The following CACNA1B variants were observed in gnomAD, a reference collection of about 807,000 sequenced individuals.
CACNA1B encodes the protein voltage-dependent N-type calcium channel subunit alpha-1B.
CACNA1B carries 70 observed loss-of-function variants against 247.2 expected under a neutral mutation model. The observed-to-expected ratio is 0.28, with a 90% CI of 0.23 to 0.35. The LOEUF is 0.35. Ranked by LOEUF, CACNA1B falls within the 10% of genes least tolerant of loss-of-function variation. The pLI, the probability that CACNA1B is intolerant of heterozygous loss-of-function variation, is 1.00. For synonymous variants in CACNA1B, 1,231 were observed against 1,294.4 expected (o/e 0.95, Z 1.05); for missense variants, 2,367 against 3,197.4 (o/e 0.74, Z 6.26).
chr9:138,041,585 A>T (rs979013169), intron 20 of CACNA1B, among the ~76,000 whole-genome samples: 2 of 151,378 alleles, frequency 1.3e-5, no homozygotes, highest in African/African-American at 4.9e-5. Context: ...CTCAATTGAC[A>T]TTTTTTTCCT....
chr9:138,006,709 CGT>C (rs1413704287), intron 15 of CACNA1B, 56 bp from the exon 16 acceptor site: 28 of 915,696 alleles, frequency 3.1e-5, no homozygotes, highest in East Asian at 9.9e-5. Context: ...GGTGGGGGTG[CGT>C]GTGTGTGGGG....
intron 23 of CACNA1B, 50 bp from the exon 24 acceptor site, chr9:138,049,159 C>T (rs1236668642): frequency 2.4e-6 from 3 of 1,256,576 alleles, no homozygotes; most frequent in South Asian, 1.2e-5. Context: ...CTGGCCTCTG[C>T]CTGTCTTTTC....
chr9:138,071,523 C>T (rs7865606), intron 32 of CACNA1B, among the ~76,000 whole-genome samples: 26,733 of 152,152 alleles, frequency 0.18, 2,836 homozygotes, highest in East Asian at 0.46. Flanking sequence ...CTGCCGTCAC[C>T]GTCTGTCTTC....
chr9:138,084,955 GA>G (rs540352266), intron 36 of CACNA1B, among the ~76,000 whole-genome samples: 5,175 of 87,626 alleles, frequency 0.059, 145 homozygotes, highest in Non-Finnish European at 0.086. Flanking sequence ...CCATCTCAAA[GA>G]AAAAAAAAAA....
chr9:137,891,842 C>A lies in CACNA1B; in HGVS notation c.530+8959C>A. ...AGCCAGACGGACGCTAACGCAGATT[C>A]ATTCCTAGCAGGTCACATGGTAGCA... is the stretch of plus-strand genomic sequence containing the variant. On this transcript the variant is annotated intron_variant, in intron 3 of 46. Coordinates refer to ENST00000371372, the MANE Select transcript of CACNA1B (RefSeq NM_000718.4). The surrounding 1 kb of genome is among the most constrained non-coding windows in gnomAD (Gnocchi z 4.3). 1 of 358,294 alleles carries A rather than the reference C, an allele frequency of 2.8e-6. No homozygotes were observed. Among genetic ancestry groups the A allele is most frequent in the Non-Finnish European group, 5.5e-6 (1 of 180,246 alleles). The allele number at this position is 358,294 out of a possible 1,614,324, so 22.2% of individuals were successfully genotyped here.
rs754374212 is a variant in CACNA1B, at chr9:137,976,006, G to T, written c.1643G>T (p.Cys548Phe). The T allele has an allele frequency of 1.2e-6, 2 of 1,607,628 alleles. No homozygotes were observed. The highest frequency in any genetic ancestry group is 1.7e-6 in the Non-Finnish European group (2 of 1,174,186). Residue 548 changes from cysteine (C) to phenylalanine (F), a missense_variant, in exon 12 of 47, where the codon TGC (cysteine) becomes TTC (phenylalanine). By Grantham distance (205) the Cys-to-Phe change is radical. This residue lies in a region of CACNA1B where 219 missense variants were observed against 297.6 expected (regional missense o/e 0.74). Coordinates refer to ENST00000371372, the MANE Select transcript of CACNA1B (RefSeq NM_000718.4). The stretch of plus-strand genomic sequence containing the variant: ...AGCTACTTCCGGTCCTCCTTCAACT[G>T]CTTCGACTTTGGGGTGAGTGAGAGG... ...PRSYFRSSFN[C>F]FDFGVIVGSV...
chr9:138,123,084 A>G lies in CACNA1B; in HGVS notation c.*1085A>G, dbSNP rs970336234. On this transcript the variant is annotated 3_prime_UTR_variant, in exon 47 of 47. Transcript: ENST00000371372. ...GAGGCATTTTCAGTCTGTTCTGCAT[A>G]TGATTCTCAGGGCACACTCTGTGGT... is the stretch of plus-strand genomic sequence containing the variant. 7 of 152,274 alleles carry G rather than the reference A, an allele frequency of 4.6e-5. No individual in the cohort carries two copies. Among genetic ancestry groups the G allele is most frequent in the Admixed American group, 4.6e-4 (7 of 15,290 alleles). The allele number at this position is 152,274 out of a possible 1,614,324, so 9.4% of individuals were successfully genotyped here. A position where few individuals can be genotyped will look rare whatever the true frequency, so the allele number is the denominator to read the frequency against.
At chr9:137,890,994 C>T (rs1291548353) in intron 3 of CACNA1B, 1 of 152,268 alleles carries the variant, frequency 6.6e-6, no homozygotes, top group Admixed American at 6.5e-5. Flanking sequence ...CTTTCCAGCT[C>T]TGCCTGTGGG....
chr9:137,941,869 A>C lies in CACNA1B; in HGVS notation c.967-10405A>C, dbSNP rs1252740445. Among the ~76,000 whole-genome samples the C allele has an allele frequency of 3.3e-5, 5 of 152,246 alleles. No individual in the cohort carries two copies. The East Asian group carries it at 9.6e-4, about 29-fold the overall frequency. ...GACTTATCTAAGACCTGAAACTATA[A>C]AAATTCTAGAAGATAACATTGGAAA... On this transcript the variant is annotated intron_variant, in intron 6 of 46. Coordinates refer to ENST00000371372, the MANE Select transcript of CACNA1B (RefSeq NM_000718.4).
At chr9:138,080,569 C>G (rs930016721) in intron 36 of CACNA1B, among the ~76,000 whole-genome samples, 1 of 152,050 alleles carries the variant, frequency 6.6e-6, no homozygotes, top group Non-Finnish European at 1.5e-5. Context: ...GGGCAGGCAG[C>G]GGTCGTCCCA....
At chr9:138,056,162 T>G (rs898439105) in intron 26 of CACNA1B, among the ~76,000 whole-genome samples, 3 of 152,148 alleles carry the variant, frequency 2.0e-5, no homozygotes, top group Middle Eastern at 3.2e-3. Context: ...CATGCAAGCA[T>G]CGCCACAGTC....
chr9:138,096,652 C>T (rs775793023), intron 37 of CACNA1B, 41 bp downstream of exon 37: 4 of 1,589,674 alleles, frequency 2.5e-6, no homozygotes, highest in Admixed American at 3.4e-5. Context: ...GGGGGTGGTC[C>T]ATGCCCATAG....
Position 138,053,935 on chromosome 9 carries a change from T to C in CACNA1B, c.3897T>C (p.Ile1299=), listed in dbSNP as rs1159050014. 4.3e-6 allele frequency: 7 copies of C among 1,613,790 alleles called. No homozygotes were observed. The highest frequency in any genetic ancestry group is 5.1e-6 in the Non-Finnish European group (6 of 1,179,680). The change falls in exon 26 of 47, where the codon ATT becomes ATC. Residue 1299 remains isoleucine (I), a synonymous_variant. Transcript: ENST00000371372. ...TCTTCATGTTCATATTTGCCGTCAT[T>C]GCGGTGCAGCTCTTCAAAGGGAAGT... The part of the protein sequence containing the change: ...YMLFMFIFAV[I]AVQLFKGKFF...
Position 137,971,675 on chromosome 9 carries a change from A to AG in CACNA1B, c.1543+83_1543+84insG. 4.1e-6 allele frequency: 5 copies of AG among 1,213,242 alleles called. No individual in the cohort carries two copies. The highest frequency in any genetic ancestry group is 5.9e-6 in the Non-Finnish European group (5 of 847,824). The allele number at this position is 1,213,242 out of a possible 1,614,324, so 75.2% of individuals were successfully genotyped here. A position where few individuals can be genotyped will look rare whatever the true frequency, so the allele number is the denominator to read the frequency against. On this transcript the variant is annotated intron_variant, in intron 11 of 46. Coordinates refer to ENST00000371372, the MANE Select transcript of CACNA1B (RefSeq NM_000718.4). The surrounding 1 kb of genome is among the most constrained non-coding windows in gnomAD (Gnocchi z 4.4). Reference sequence around the variant, plus strand: ...AAACCCTGGTCCATGCCCTGGGGCTACCCCAGGTGGGACGGGACCCACCCC... The same window carrying AG: ...AAACCCTGGTCCATGCCCTGGGGCTAGCCCCAGGTGGGACGGGACCCACCCC...
At position 137,971,698 on chromosome 9, in the gene CACNA1B, C is replaced by G; in HGVS notation, c.1543+106C>G. The G allele has an allele frequency of 2.2e-6, 2 of 908,604 alleles. No homozygotes were observed. Among genetic ancestry groups the G allele is most frequent in the South Asian group, 3.2e-5 (2 of 63,384 alleles). The allele number at this position is 908,604 out of a possible 1,614,324, so 56.3% of individuals were successfully genotyped here. A position where few individuals can be genotyped will look rare whatever the true frequency, so the allele number is the denominator to read the frequency against. ...CTACCCCAGGTGGGACGGGACCCACCCCCATGTTGCTCAAAGTATCCCACA... is the reference window on the plus strand; with the variant it reads ...CTACCCCAGGTGGGACGGGACCCACGCCCATGTTGCTCAAAGTATCCCACA... On this transcript the variant is annotated intron_variant, in intron 11 of 46. Transcript: ENST00000371372. This position sits in a 1 kb window ranked among gnomAD's most constrained non-coding sequence, Gnocchi z 4.4.
intron 16 of CACNA1B, among the ~76,000 whole-genome samples, chr9:138,008,961 C>T (rs1958689092): frequency 6.6e-6 from 1 of 152,186 alleles, no homozygotes; most frequent in Non-Finnish European, 1.5e-5. Context: ...CAGGAGGGCA[C>T]CCCCAATGGC....
chr9:137,919,708 G>T lies in CACNA1B; in HGVS notation c.966+2277G>T, dbSNP rs977213305. 6.6e-6 allele frequency among the ~76,000 whole-genome samples: 1 copy of T among 152,262 alleles called. No individual in the cohort carries two copies. ...CGGAAGCCCACGGCCTGCAGTAGGG[G>T]TGGAGGCAGAGAGATGGAAAGCTCA... is the stretch of plus-strand genomic sequence containing the variant. On this transcript the variant is annotated intron_variant, in intron 6 of 46. Transcript: ENST00000371372. The surrounding 1 kb of genome is among the most constrained non-coding windows in gnomAD (Gnocchi z 4.6).
chr9:137,967,476 C>T (rs1958093663), intron 10 of CACNA1B, among the ~76,000 whole-genome samples: 1 of 152,222 alleles, frequency 6.6e-6, no homozygotes, highest in Non-Finnish European at 1.5e-5. Flanking sequence ...TAACCTCAGT[C>T]ACCTAGGTTT....
chr9:137,984,021 A>C, intron 12 of CACNA1B, 117 bp from the exon 13 acceptor site: 1 of 729,262 alleles, frequency 1.4e-6, no homozygotes. Context: ...ATTGTCAGAC[A>C]AGGAAGCAGG....
Sources: gnomAD v4.1 joint callset for allele counts (sites outside exome capture counted in the v4.1 genomes callset) on GRCh38, gnomAD v4.1.1 for gene constraint, gnomAD v4.1.1 regional missense constraint, Gnocchi (gnomAD v3.1) non-coding constraint, MANE v1.5 for transcripts, NCBI Gene and HGNC (gene_info 2026-07-23, HGNC 2026-07-21) for gene names.